SH3PXD2B: variants seen among roughly 807,000 people sequenced by gnomAD.
The protein encoded by SH3PXD2B is SH3 and PX domains 2B, also known as SH3 and PX domain-containing protein 2B.
A neutral mutation model predicts 73.1 loss-of-function variants in SH3PXD2B; 37 were observed. The observed-to-expected ratio is 0.51, with a 90% CI of 0.39 to 0.67. The LOEUF (loss-of-function observed/expected upper bound fraction) is 0.67, where lower values mean the gene tolerates loss of function less well. SH3PXD2B is among the 30% of genes least tolerant of loss of function. SH3PXD2B has a pLI of 0.00. For synonymous variants in SH3PXD2B, 457 were observed against 480.5 expected, an observed-to-expected ratio of 0.95 and a Z score of 0.64; for missense variants, 1,053 against 1,197.8, an observed-to-expected ratio of 0.88 and a Z score of 1.78.
chr5:172,330,015 T>C (rs2113220015), downstream of SH3PXD2B, among the ~76,000 whole-genome samples: 1 of 152,352 alleles, frequency 6.6e-6, no homozygotes, highest in Non-Finnish European at 1.5e-5. Flanking sequence ...CTGCGGGTTG[T>C]GTTTCCCTTA....
chr5:172,431,849 CGT>C (rs1344221449), intron 1 of SH3PXD2B, among the ~76,000 whole-genome samples: 1 of 152,050 alleles, frequency 6.6e-6, no homozygotes, highest in East Asian at 1.9e-4. Context: ...AACTTTGTTG[CGT>C]GTGTGTTTCT....
At chr5:172,331,159 C>T (rs1036333754), downstream of SH3PXD2B, among the ~76,000 whole-genome samples, 6 of 152,276 alleles carry the variant, frequency 3.9e-5, no homozygotes, top group East Asian at 1.9e-4. Flanking sequence ...TGCATCGCTG[C>T]ACTCCAGCTT....
At chr5:172,397,585 T>G (rs1012592692) in intron 3 of SH3PXD2B, among the ~76,000 whole-genome samples, 1 of 152,244 alleles carries the variant, frequency 6.6e-6, no homozygotes, top group Non-Finnish European at 1.5e-5. Flanking sequence ...TCTTTTGTAC[T>G]CTTTCCCTTT....
chr5:172,377,861 G>A (rs1757850704), intron 5 of SH3PXD2B, among the ~76,000 whole-genome samples: 1 of 152,154 alleles, frequency 6.6e-6, no homozygotes, highest in African/African-American at 2.4e-5. Flanking sequence ...GTATGCATGG[G>A]TGCCTGTGTA....
At chr5:172,393,949 A>AT (rs11296369) in intron 4 of SH3PXD2B, among the ~76,000 whole-genome samples, 55 of 148,472 alleles carry the variant, frequency 3.7e-4, no homozygotes, top group Middle Eastern at 3.5e-3. Flanking sequence ...GCTTAAGAGG[A>AT]TTTTTTTTTT....
intron 1 of SH3PXD2B, among the ~76,000 whole-genome samples, chr5:172,435,097 TAAAG>T (rs1759342676): frequency 6.6e-6 from 1 of 152,150 alleles, no homozygotes; most frequent in African/African-American, 2.4e-5. Flanking sequence ...TCTCCTTTCT[TAAAG>T]AAGGCACAGA....
chr5:172,432,945 T>C (rs1329108300), intron 1 of SH3PXD2B, among the ~76,000 whole-genome samples: 2 of 143,576 alleles, frequency 1.4e-5, no homozygotes, highest in African/African-American at 2.6e-5. Context: ...GGGGGAAGAA[T>C]TGACTGTACC....
chr5:172,344,206 A>G (rs1162370714), intron 12 of SH3PXD2B, among the ~76,000 whole-genome samples: 1 of 152,188 alleles, frequency 6.6e-6, no homozygotes, highest in African/African-American at 2.4e-5. Context: ...GGTTCCATTA[A>G]TGAATTTTGA....
intron 6 of SH3PXD2B, among the ~76,000 whole-genome samples, chr5:172,370,260 C>T (rs186641150): frequency 6.6e-6 from 1 of 152,198 alleles, no homozygotes; most frequent in African/African-American, 2.4e-5. Context: ...CCAGTTAAGT[C>T]AGGTTTACTC....
chr5:172,360,888 C>T (rs1639657273), intron 7 of SH3PXD2B, among the ~76,000 whole-genome samples: 1 of 152,156 alleles, frequency 6.6e-6, no homozygotes, highest in Non-Finnish European at 1.5e-5. Context: ...AGCTGTTTCA[C>T]TTGTTGGAAT....
chr5:172,376,296 TG>T (rs1472812657), intron 5 of SH3PXD2B, among the ~76,000 whole-genome samples: 1 of 152,162 alleles, frequency 6.6e-6, no homozygotes, highest in Non-Finnish European at 1.5e-5. Flanking sequence ...CTCAAACTGC[TG>T]GGATTACACG....
downstream of SH3PXD2B, among the ~76,000 whole-genome samples, chr5:172,329,083 A>ATATATATAT (rs58472514): frequency 3.2e-5 from 2 of 61,812 alleles, no homozygotes; most frequent in African/African-American, 1.6e-4. Flanking sequence ...ATATATATAT[A>ATATATATAT]TTTTTTTTTT....
At chr5:172,414,232 G>A (rs1378772356) in intron 2 of SH3PXD2B, among the ~76,000 whole-genome samples, 1 of 152,204 alleles carries the variant, frequency 6.6e-6, no homozygotes, top group Non-Finnish European at 1.5e-5. Flanking sequence ...ACTTTGGGAG[G>A]CTGAGGCGGG....
At chr5:172,439,662 A>T (rs990240868) in intron 1 of SH3PXD2B, among the ~76,000 whole-genome samples, 1 of 135,880 alleles carries the variant, frequency 7.4e-6, no homozygotes, top group Non-Finnish European at 1.5e-5. Flanking sequence ...AAAACCAGGT[A>T]TGTGTGTGCG....
rs869366 is a variant in SH3PXD2B, at chr5:172,336,858, T to C, written c.*1511A>G. The C allele has an allele frequency of 0.53, 519,916 of 985,078 alleles. 138,036 individuals are homozygous for C. The highest frequency in any genetic ancestry group is 0.74 in the South Asian group (15,779 of 21,276). The allele number at this position is 985,078 out of a possible 1,614,324, so 61.0% of individuals were successfully genotyped here. A position where few individuals can be genotyped will look rare whatever the true frequency, so the allele number is the denominator to read the frequency against. On this transcript the variant is annotated 3_prime_UTR_variant, in exon 13 of 13. Transcript: ENST00000311601. ...CCTCTCCAGACCTCAGTTTGACAGA[T>C]GACCACATCTGCCCTGGGTTTCTTC...
At position 172,336,342 on chromosome 5, in the gene SH3PXD2B, C is replaced by T; in HGVS notation, c.*2027G>A. On this transcript the variant is annotated 3_prime_UTR_variant, in exon 13 of 13. Coordinates refer to ENST00000311601, the MANE Select transcript of SH3PXD2B (RefSeq NM_001017995.3). The stretch of plus-strand genomic sequence containing the variant: ...AGGGGACCCTCAAGCGGTGGCGGCC[C>T]TTCCCCACCTCCCTTCTTCCCCTGG... 2 of 985,698 alleles carry T rather than the reference C, an allele frequency of 2.0e-6. No individual in the cohort carries two copies. Among genetic ancestry groups the T allele is most frequent in the South Asian group, 9.4e-5 (2 of 21,300 alleles). The allele number at this position is 985,698 out of a possible 1,614,324, so 61.1% of individuals were successfully genotyped here.
chr5:172,360,173 T>A (rs569955258), intron 7 of SH3PXD2B, among the ~76,000 whole-genome samples: 43 of 152,276 alleles, frequency 2.8e-4, no homozygotes, highest in African/African-American at 1.0e-3. Flanking sequence ...TTTCTAAATA[T>A]TTGTATTTGT....
intron 3 of SH3PXD2B, among the ~76,000 whole-genome samples, chr5:172,397,209 C>T (rs1758321997): frequency 6.6e-6 from 1 of 152,100 alleles, no homozygotes; most frequent in East Asian, 1.9e-4. Flanking sequence ...AAATAAGCTC[C>T]GGTCTCCTGT....
intron 3 of SH3PXD2B, among the ~76,000 whole-genome samples, chr5:172,402,283 G>C (rs556571755): frequency 1.3e-5 from 2 of 152,138 alleles, no homozygotes; most frequent in Non-Finnish European, 2.9e-5. Flanking sequence ...TGGTCAGACC[G>C]TTGTCTGCTC....
Sources: allele counts gnomAD v4.1 joint callset (sites outside exome capture counted in the v4.1 genomes callset), GRCh38; gene constraint gnomAD v4.1.1; transcripts MANE v1.5; gene names NCBI Gene and HGNC (gene_info 2026-07-23, HGNC 2026-07-21).